Variants in TMEM9 observed in about 807,000 individuals in gnomAD.
The protein encoded by TMEM9 is transmembrane protein 9, also known as proton-transporting V-type ATPase complex assembly regulator TMEM9.
A neutral mutation model predicts 22.8 loss-of-function variants in TMEM9; 13 were observed. That is an observed-to-expected ratio of 0.57 (90% CI 0.37 to 0.91). TMEM9 has a LOEUF of 0.91. Among genes scored for constraint, TMEM9 ranks in the 40% least tolerant of loss-of-function variants. The pLI is 0.01. For missense variants in TMEM9, 182 were observed against 238.1 expected, an observed-to-expected ratio of 0.76 and a Z score of 1.55; for synonymous variants, 88 against 93.0, an observed-to-expected ratio of 0.95 and a Z score of 0.31.
Position 201,151,827 on chromosome 1 carries a change from C to A in TMEM9, c.92G>T (p.Cys31Phe). Residue 31 changes from cysteine to phenylalanine, a missense_variant, in exon 2 of 5, where the codon TGC becomes TTC. Transcript: ENST00000367330. ...NKSSEDIRCK[C>F]ICPPYRNISG... is the part of the protein sequence containing the mutation. ...GATGTTTCTATAAGGTGGACAGATGCATTTGCACCGGATATCTTCAGAACT... is the reference window on the plus strand; with the variant it reads ...GATGTTTCTATAAGGTGGACAGATGAATTTGCACCGGATATCTTCAGAACT... 6.2e-7 allele frequency: 1 copy of A among 1,613,768 alleles called. No individual in the cohort carries two copies. Among genetic ancestry groups the A allele is most frequent in the Non-Finnish European group, 8.5e-7 (1 of 1,179,998 alleles).
intron 4 of TMEM9, among the ~76,000 whole-genome samples, chr1:201,138,968 G>A (rs11590996): frequency 0.21 from 31,358 of 152,156 alleles, 3,789 homozygotes; most frequent in East Asian, 0.41. Flanking sequence ...AGCAAGAACA[G>A]AGCACTTCTA....
intron 4 of TMEM9, among the ~76,000 whole-genome samples, chr1:201,141,203 C>G (rs1664489886): frequency 6.6e-6 from 1 of 152,234 alleles, no homozygotes; most frequent in South Asian, 2.1e-4. Flanking sequence ...GACCACCCGT[C>G]TTACGAAGCC....
chr1:201,167,912 G>A (rs1054518736), intron 1 of TMEM9, among the ~76,000 whole-genome samples: 1 of 152,134 alleles, frequency 6.6e-6, no homozygotes, highest in African/African-American at 2.4e-5. Flanking sequence ...AGCTCTTCGT[G>A]CCCTAGTTAC....
intron 4 of TMEM9, among the ~76,000 whole-genome samples, chr1:201,141,878 G>A (rs566821389): frequency 3.9e-4 from 60 of 152,252 alleles, no homozygotes; most frequent in African/African-American, 1.3e-3. Flanking sequence ...TGGCTCCCTG[G>A]CTAGGATGGC....
rs1003314170 is a variant in TMEM9 at position 201,135,069 on chromosome 1, G to A, written c.*594C>T. The A allele has an allele frequency of 1.3e-5, 2 of 152,804 alleles. No homozygotes were observed. Among genetic ancestry groups the A allele is most frequent in the Non-Finnish European group, 2.9e-5 (2 of 68,144 alleles). 9.5% of individuals were successfully genotyped at this position (152,804 alleles called of 1,614,324 possible). A position where few individuals can be genotyped will look rare whatever the true frequency, so the allele number is the denominator to read the frequency against. ...GGCACTCCATGCCCCAGTGCGAGAAGTGCACAGGGGACAGCGAACACCAGC... is the reference window on the plus strand; with the variant it reads ...GGCACTCCATGCCCCAGTGCGAGAAATGCACAGGGGACAGCGAACACCAGC... On this transcript the variant is annotated 3_prime_UTR_variant, in exon 5 of 5. Transcript: ENST00000367330.
chr1:201,135,905 CA>C lies in TMEM9; in HGVS notation c.400-91del, dbSNP rs918930191. On this transcript the variant is annotated intron_variant, in intron 4 of 4. Transcript: ENST00000367330. Reference sequence around the variant, plus strand: ...AGTCTGACATGGAAAGAACGAACCCCAAAGCCTTACCTTCCCCAGACTGGGA... The same window carrying C: ...AGTCTGACATGGAAAGAACGAACCCCAAGCCTTACCTTCCCCAGACTGGGA... The C allele has an allele frequency of 7.4e-6, 10 of 1,348,960 alleles. No homozygotes were observed. The Admixed American group carries it at 1.7e-4, about 23-fold the overall frequency. 83.6% of individuals were successfully genotyped at this position (1,348,960 alleles called of 1,614,324 possible).
chr1:201,143,734 C>A, intron 4 of TMEM9, 86 bp downstream of exon 4: 1 of 1,435,404 alleles, frequency 7.0e-7, no homozygotes, highest in Admixed American at 1.7e-5. Context: ...GGAGGTGGGA[C>A]CTGGACCTAG....
intron 1 of TMEM9, among the ~76,000 whole-genome samples, chr1:201,162,778 C>T (rs1665976431): frequency 6.6e-6 from 1 of 151,982 alleles, no homozygotes; most frequent in Non-Finnish European, 1.5e-5. Context: ...GTGAAAGACC[C>T]TGTTAAGAGA....
chr1:201,158,120 A>G (rs1279406893), upstream of TMEM9, among the ~76,000 whole-genome samples: 1 of 152,186 alleles, frequency 6.6e-6, no homozygotes, highest in Non-Finnish European at 1.5e-5. Flanking sequence ...GCTGGCTTCA[A>G]AGATGCAGGC....
chr1:201,152,535 G>A (rs1665513711), intron 1 of TMEM9, among the ~76,000 whole-genome samples: 1 of 152,156 alleles, frequency 6.6e-6, no homozygotes, highest in Non-Finnish European at 1.5e-5. Flanking sequence ...TAGCAATAAA[G>A]AATGGAAGTT....
At chr1:201,151,904 G>C in intron 1 of TMEM9, 52 bp from the exon 2 acceptor site, 1 of 1,436,320 alleles carries the variant, frequency 7.0e-7, no homozygotes, top group Non-Finnish European at 9.8e-7. Context: ...TGGGGTTCAG[G>C]GGGTTCAGGC....
chr1:201,150,244 G>A (rs1665314847), intron 2 of TMEM9, among the ~76,000 whole-genome samples: 2 of 152,220 alleles, frequency 1.3e-5, no homozygotes, highest in Non-Finnish European at 2.9e-5. Flanking sequence ...CAAGATACAA[G>A]GGGGTTACTT....
chr1:201,159,831 A>T (rs1009107966), intron 1 of TMEM9, among the ~76,000 whole-genome samples: 1 of 152,216 alleles, frequency 6.6e-6, no homozygotes, highest in African/African-American at 2.4e-5. Context: ...CACAGATGTA[A>T]TATGCACACT....
chr1:201,165,477 G>C (rs570875971), intron 1 of TMEM9, among the ~76,000 whole-genome samples: 5 of 148,504 alleles, frequency 3.4e-5, no homozygotes, highest in African/African-American at 1.2e-4. Context: ...TTGCTCTGTC[G>C]CCAGGCTGGA....
At chr1:201,150,600 G>T (rs12065294) in intron 2 of TMEM9, among the ~76,000 whole-genome samples, 48 of 152,248 alleles carry the variant, frequency 3.2e-4, no homozygotes, top group Admixed American at 9.8e-4. Context: ...CAGGAAGGTG[G>T]AACACAGAGT....
chr1:201,143,627 G>A (rs1228176284), intron 4 of TMEM9, among the ~76,000 whole-genome samples, 193 bp downstream of exon 4: 5 of 152,226 alleles, frequency 3.3e-5, no homozygotes, highest in Admixed American at 6.5e-5. Context: ...CTTGATGCCC[G>A]GTGTCCTGCT....
At chr1:201,140,529 G>A (rs1266937319) in intron 4 of TMEM9, among the ~76,000 whole-genome samples, 1 of 152,198 alleles carries the variant, frequency 6.6e-6, no homozygotes, top group African/African-American at 2.4e-5. Context: ...CTCCCTCCAT[G>A]AACGGGGCTG....
intron 4 of TMEM9, among the ~76,000 whole-genome samples, chr1:201,137,154 G>A (rs545608645): frequency 2.6e-5 from 4 of 152,372 alleles, no homozygotes; most frequent in Admixed American, 1.3e-4. Flanking sequence ...TGAGGCTCAG[G>A]CAACGCCTGA....
At position 201,135,540 on chromosome 1, in the gene TMEM9, A is replaced by T; in HGVS notation, c.*123T>A. ...TCTAAAGTTAGGGAGAAGGAGGAAA[A>T]ATGCCACAGGCTTTTAAAGGGAAGA... On this transcript the variant is annotated 3_prime_UTR_variant, in exon 5 of 5. Transcript: ENST00000367330. 1 of 1,084,990 alleles carries T rather than the reference A, an allele frequency of 9.2e-7. No individual in the cohort carries two copies. Among genetic ancestry groups the T allele is most frequent in the Non-Finnish European group, 1.3e-6 (1 of 785,522 alleles). The allele number at this position is 1,084,990 out of a possible 1,614,324, so 67.2% of individuals were successfully genotyped here. A position where few individuals can be genotyped will look rare whatever the true frequency, so the allele number is the denominator to read the frequency against.
Sources: allele counts gnomAD v4.1 joint callset (sites outside exome capture counted in the v4.1 genomes callset), GRCh38; gene constraint gnomAD v4.1.1; transcripts MANE v1.5; gene names NCBI Gene and HGNC (gene_info 2026-07-23, HGNC 2026-07-21).